ATM: variants seen among roughly 807,000 people sequenced by gnomAD.
ATM encodes the protein ATM serine/threonine kinase, also known as serine-protein kinase ATM.
In ATM, 308 loss-of-function variants were observed where a neutral mutation model predicts 387.0. That is an observed-to-expected ratio of 0.80 (90% confidence interval 0.73 to 0.87). The LOEUF (loss-of-function observed/expected upper bound fraction) is 0.87, where lower values mean the gene tolerates loss of function less well. ATM is among the 40% of genes least tolerant of loss of function. The pLI is 0.00. For missense variants in ATM, 3,312 were observed against 3,560.9 expected, an observed-to-expected ratio of 0.93 and a Z score of 1.78; for synonymous variants, 1,156 against 1,187.3, an observed-to-expected ratio of 0.97 and a Z score of 0.54.
Position 108,249,092 on chromosome 11 carries a change from C to G in ATM, c.1225C>G (p.Leu409Val), listed in dbSNP as rs786203815. ...HLQKSQNDFD[L>V]VPWLQIATQL... The stretch of plus-strand genomic sequence containing the variant: ...TCAGAAGTCACAGAATGATTTTGAT[C>G]TTGTGCCTTGGTAAAGTGTTACCAT... Residue 409 changes from leucine (L) to valine (V), a missense_variant, in exon 9 of 63, where the codon CTT becomes GTT. Physicochemically the swap from Leu to Val is conservative, Grantham distance 32. Around this residue, in one of 4 missense-constraint regions of ATM, gnomAD observed 1,791 missense variants for 1,804.5 expected, o/e 0.99. Transcript: ENST00000675843. 1.2e-6 allele frequency: 2 copies of G among 1,613,850 alleles called. No individual in the cohort carries two copies. The highest frequency in any genetic ancestry group is 1.7e-6 in the Non-Finnish European group (2 of 1,179,920).
In ATM at chr11:108,268,502, G is replaced by A. The variant is rs1591594169; in HGVS notation, c.2731G>A (p.Ala911Thr). The stretch of plus-strand genomic sequence containing the variant: ...GTTCTTGTGTTTGTGTGTAACTACT[G>A]CTCAGACCAATACTGTGTCCTTTAG... ...LKFLCLCVTTAQTNTVSFRAA... is the reference protein window; with the variant it reads ...LKFLCLCVTTTQTNTVSFRAA... Residue 911 changes from alanine to threonine, a missense_variant, in exon 18 of 63, where the codon GCT becomes ACT. This residue lies in a region of ATM where 1,791 missense variants were observed against 1,804.5 expected (regional missense o/e 0.99). Coordinates refer to ENST00000675843, the MANE Select transcript of ATM (RefSeq NM_000051.4). 2 of 1,614,008 alleles carry A rather than the reference G, an allele frequency of 1.2e-6. No homozygotes were observed. Among genetic ancestry groups the A allele is most frequent in the Non-Finnish European group, 1.7e-6 (2 of 1,179,970 alleles).
intron 61 of ATM, among the ~76,000 whole-genome samples, chr11:108,360,468 C>A (rs1210082997): frequency 1.6e-5 from 2 of 122,742 alleles, no homozygotes; most frequent in African/African-American, 6.2e-5. Context: ...CATTCTGATA[C>A]CAAAGCCGGG....
rs2235004 is a variant in ATM, at chr11:108,244,156, T to C, written c.662+38T>C. On this transcript the variant is annotated intron_variant, in intron 6 of 62. Coordinates refer to ENST00000675843, the MANE Select transcript of ATM (RefSeq NM_000051.4). ...CTTTTTCTTTTGTTTTGTATTGAAATACTTTTGATCTTGCAAGACCATGTT... is the reference window on the plus strand; with the variant it reads ...CTTTTTCTTTTGTTTTGTATTGAAACACTTTTGATCTTGCAAGACCATGTT... The C allele has an allele frequency of 4.8e-3, 7,788 of 1,609,064 alleles. 301 individuals carry two copies. In the African/African-American group the frequency reaches 0.088, roughly 18 times the overall value.
chr11:108,266,744 A>G (rs371329017), intron 16 of ATM, among the ~76,000 whole-genome samples: 5 of 151,552 alleles, frequency 3.3e-5, no homozygotes, highest in South Asian at 4.2e-4. Flanking sequence ...AAAGTACTGT[A>G]GTTTTCATAC....
At chr11:108,250,426 C>T (rs2080072141) in intron 9 of ATM, among the ~76,000 whole-genome samples, 1 of 152,102 alleles carries the variant, frequency 6.6e-6, no homozygotes, top group African/African-American at 2.4e-5. Context: ...GCTGGGAAAC[C>T]ACCTGGCCCA....
chr11:108,251,994 T>C lies in ATM; in HGVS notation c.1765T>C (p.Leu589=), dbSNP rs2135343600. 1 of 1,613,384 alleles carries C rather than the reference T, an allele frequency of 6.2e-7. No homozygotes were observed. The highest frequency in any genetic ancestry group is 8.5e-7 in the Non-Finnish European group (1 of 1,179,704). The stretch of plus-strand genomic sequence containing the variant: ...CTTATTCTATCAGTTAGAGGGTGAC[T>C]TAGAAAATAGCACAGAAGTGCCTCC... ...WLLFYQLEGD[L]ENSTEVPPIL... Residue 589 remains leucine, a synonymous_variant, in exon 11 of 63, where the codon TTA becomes CTA. Coordinates refer to ENST00000675843, the MANE Select transcript of ATM (RefSeq NM_000051.4).
chr11:108,240,471 C>T (rs138611345), intron 5 of ATM, among the ~76,000 whole-genome samples: 4 of 152,190 alleles, frequency 2.6e-5, no homozygotes, highest in Admixed American at 6.5e-5. Context: ...GTTGCGTGAA[C>T]GTCATAGGGT....
rs184797349 is a variant in ATM, at chr11:108,286,053, C to T, written c.3994-1547C>T. Among the ~76,000 whole-genome samples the T allele has an allele frequency of 1.7e-3, 258 of 152,134 alleles. 2 individuals carry two copies. The highest frequency in any genetic ancestry group is 5.9e-3 in the African/African-American group (243 of 41,526). ...TAAAGATGTAAGTTAAATTCTTGGCCGGGTGCGGTGGCTAACGCCTGTAAT... is the reference window on the plus strand; with the variant it reads ...TAAAGATGTAAGTTAAATTCTTGGCTGGGTGCGGTGGCTAACGCCTGTAAT... On this transcript the variant is annotated intron_variant, in intron 26 of 62. Transcript: ENST00000675843.
intron 35 of ATM, 86 bp from the exon 36 acceptor site, chr11:108,302,766 GA>G (rs2135924882): frequency 2.3e-6 from 3 of 1,280,916 alleles, no homozygotes; most frequent in Non-Finnish European, 3.3e-6. Flanking sequence ...GCTTTATTCA[GA>G]AAGATTTGTT....
In ATM at chr11:108,227,834, A is replaced by T. The variant is rs150143957; in HGVS notation, c.131A>T (p.Asp44Val). 6.2e-7 allele frequency: 1 copy of T among 1,613,494 alleles called. No homozygotes were observed. The highest frequency in any genetic ancestry group is 8.5e-7 in the Non-Finnish European group (1 of 1,179,850). Residue 44 changes from aspartate (D) to valine (V), a missense_variant, in exon 3 of 63, where the codon GAT (aspartate) becomes GTT (valine). Transcript: ENST00000675843. ...IRDPETIKHL[D>V]RHSDSKQGKY... The stretch of plus-strand genomic sequence containing the variant: ...GATCCTGAAACAATTAAACATCTAG[A>T]TCGGCATTCAGATTCCAAACAAGGA...
chr11:108,231,408 C>G (rs1465748265), intron 4 of ATM: 1 of 151,926 alleles, frequency 6.6e-6, no homozygotes, highest in Non-Finnish European at 1.5e-5. Flanking sequence ...ATTTAAGAAT[C>G]AGGAGTGTGA....
chr11:108,235,262 C>T (rs2079207839), intron 4 of ATM, among the ~76,000 whole-genome samples: 1 of 149,484 alleles, frequency 6.7e-6, no homozygotes, highest in South Asian at 2.1e-4. Context: ...TGCCACTGCA[C>T]TCCAGCCTGG....
chr11:108,310,664 A>G (rs2084075876), intron 39 of ATM, among the ~76,000 whole-genome samples: 1 of 152,176 alleles, frequency 6.6e-6, no homozygotes, highest in Non-Finnish European at 1.5e-5. Context: ...TTATTTCCTA[A>G]CTTCAGTCAG....
chr11:108,287,693 A>G lies in ATM; in HGVS notation c.4087A>G (p.Thr1363Ala), dbSNP rs587779837. The change falls in exon 27 of 63, where the codon ACT (threonine) becomes GCT (alanine). Residue 1363 changes from threonine (T) to alanine (A), a missense_variant. By Grantham distance (58) the Thr-to-Ala change is moderately conservative (BLOSUM62 0). Coordinates refer to ENST00000675843, the MANE Select transcript of ATM (RefSeq NM_000051.4). Reference protein sequence around the residue: ...EPANSSASQSTDLCDFSGDLD... With the variant: ...EPANSSASQSADLCDFSGDLD... ...AGCAAATTCTAGTGCCAGTCAGAGCACTGACCTCTGTGACTTTTCAGGGTA... is the reference window on the plus strand; with the variant it reads ...AGCAAATTCTAGTGCCAGTCAGAGCGCTGACCTCTGTGACTTTTCAGGGTA... 3 of 1,613,428 alleles carry G rather than the reference A, an allele frequency of 1.9e-6. No individual in the cohort carries two copies. Among genetic ancestry groups the G allele is most frequent in the Non-Finnish European group, 2.5e-6 (3 of 1,179,538 alleles).
chr11:108,272,105 C>T (rs528138273), intron 20 of ATM, among the ~76,000 whole-genome samples: 5 of 152,264 alleles, frequency 3.3e-5, no homozygotes, highest in African/African-American at 1.2e-4. Flanking sequence ...AAACTCCTGA[C>T]CTCAAGTGAT....
chr11:108,322,040 A>G (rs1417627396), intron 45 of ATM, among the ~76,000 whole-genome samples: 2 of 152,190 alleles, frequency 1.3e-5, no homozygotes, highest in African/African-American at 4.8e-5. Context: ...TTAGCACTAC[A>G]TTGTATTACT....
At chr11:108,281,354 G>T (rs539302713) in intron 24 of ATM, among the ~76,000 whole-genome samples, 186 bp downstream of exon 24, 1 of 152,338 alleles carries the variant, frequency 6.6e-6, no homozygotes, top group African/African-American at 2.4e-5. Flanking sequence ...GGTATGCACT[G>T]TTTCTTACAT....
At chr11:108,356,402 G>A (rs1949617824) in intron 61 of ATM, among the ~76,000 whole-genome samples, 1 of 152,030 alleles carries the variant, frequency 6.6e-6, no homozygotes, top group Non-Finnish European at 1.5e-5. Flanking sequence ...TGGGCGTGAT[G>A]GCGGGCACCT....
At chr11:108,339,421 T>G (rs2087240239) in intron 56 of ATM, among the ~76,000 whole-genome samples, 1 of 152,146 alleles carries the variant, frequency 6.6e-6, no homozygotes, top group Admixed American at 6.6e-5. Context: ...CATAATATCT[T>G]AAGACATTCA....
Sources: allele counts gnomAD v4.1 joint callset (sites outside exome capture counted in the v4.1 genomes callset), GRCh38; gene constraint gnomAD v4.1.1; regional missense constraint gnomAD v4.1.1; transcripts MANE v1.5; gene names NCBI Gene and HGNC (gene_info 2026-07-23, HGNC 2026-07-21).